The following IRGM variants were observed in gnomAD, a reference collection of about 807,000 sequenced individuals.
IRGM encodes the protein immunity-related GTPase family M protein.
For synonymous variants in IRGM, 98 were observed against 80.6 expected (o/e 1.22, Z -1.16); for missense variants, 288 against 219.9 (o/e 1.31, Z -1.96).
intron 3 of IRGM, chr5:150,896,632 A>T: frequency 6.2e-7 from 1 of 1,613,574 alleles, no homozygotes; most frequent in Non-Finnish European, 8.5e-7. Context: ...CTCTTATAAC[A>T]ACTCGGTAGG....
At chr5:150,901,535 CAAT>C (rs1478372151), downstream of IRGM, among the ~76,000 whole-genome samples, 1 of 151,958 alleles carries the variant, frequency 6.6e-6, no homozygotes, top group Non-Finnish European at 1.5e-5. Flanking sequence ...ACAAAAACAA[CAAT>C]GAAAAAATCT....
At chr5:150,865,174 A>G (rs570301661) in intron 1 of IRGM, among the ~76,000 whole-genome samples, 8 of 152,360 alleles carry the variant, frequency 5.3e-5, no homozygotes, top group African/African-American at 1.4e-4. Context: ...CATTATTGAC[A>G]TATATTAGAA....
At chr5:150,863,985 T>A (rs1487986767) in intron 1 of IRGM, among the ~76,000 whole-genome samples, 1 of 152,228 alleles carries the variant, frequency 6.6e-6, no homozygotes, top group East Asian at 1.9e-4. Context: ...ACCATTATCT[T>A]GAGCCATAGG....
intron 3 of IRGM, among the ~76,000 whole-genome samples, chr5:150,886,880 AT>A (rs987860178): frequency 1.3e-5 from 2 of 151,058 alleles, no homozygotes; most frequent in African/African-American, 4.9e-5. Flanking sequence ...CTTTTGAATG[AT>A]TTTTTTTGTG....
chr5:150,852,456 T>A (rs1221859512), downstream of IRGM, among the ~76,000 whole-genome samples: 1 of 152,182 alleles, frequency 6.6e-6, no homozygotes, highest in East Asian at 1.9e-4. Context: ...CTGGCTCACC[T>A]TATTCAAAAT....
intron 1 of IRGM, among the ~76,000 whole-genome samples, chr5:150,866,870 G>C (rs1187759547): frequency 6.6e-6 from 1 of 152,088 alleles, no homozygotes; most frequent in Admixed American, 6.5e-5. Flanking sequence ...TTTCATTTCT[G>C]ATGACAACAT....
intron 3 of IRGM, among the ~76,000 whole-genome samples, chr5:150,893,826 G>C (rs949764569): frequency 6.6e-6 from 1 of 151,956 alleles, no homozygotes; most frequent in Admixed American, 6.6e-5. Flanking sequence ...TTTTATTTCT[G>C]TTATTCAACA....
downstream of IRGM, among the ~76,000 whole-genome samples, chr5:150,902,303 T>G (rs1462504960): frequency 2.0e-5 from 3 of 152,162 alleles, no homozygotes; most frequent in Non-Finnish European, 4.4e-5. Flanking sequence ...ACCTTTGCCC[T>G]CCAAAGATTT....
chr5:150,866,706 T>A (rs1754213635), intron 1 of IRGM, among the ~76,000 whole-genome samples: 1 of 152,202 alleles, frequency 6.6e-6, no homozygotes, highest in Non-Finnish European at 1.5e-5. Context: ...AATAATTCCA[T>A]TGCTTTATAA....
At chr5:150,892,913 G>T (rs1360122716) in intron 3 of IRGM, among the ~76,000 whole-genome samples, 2 of 151,186 alleles carry the variant, frequency 1.3e-5, no homozygotes, top group East Asian at 3.9e-4. Context: ...TTCTTGTTTT[G>T]TTGTTCCTAT....
At position 150,863,649 on chromosome 5, in the gene IRGM, C is replaced by G. The variant is rs1754166785; in HGVS notation, c.159-14331C>G. Among the ~76,000 whole-genome samples, 3 of 152,102 alleles carry G rather than the reference C, an allele frequency of 2.0e-5. No individual in the cohort carries two copies. The South Asian group carries it at 6.2e-4, about 32-fold the overall frequency. ...TCAGTTTGGAATTTACAAAGACATT[C>G]TCATTCATATTTAATATTCCCAACA... On this transcript the variant is annotated intron_variant and NMD_transcript_variant, in intron 1 of 3. Coordinates refer to the IRGM transcript ENST00000520549.
At chr5:150,861,762 G>T (rs1754139647) in intron 1 of IRGM, among the ~76,000 whole-genome samples, 1 of 152,098 alleles carries the variant, frequency 6.6e-6, no homozygotes, top group African/African-American at 2.4e-5. Flanking sequence ...CTTTAAGGAG[G>T]GGGTGAGGAT....
chr5:150,861,548 T>G (rs1359583671), intron 1 of IRGM, among the ~76,000 whole-genome samples: 1 of 152,178 alleles, frequency 6.6e-6, no homozygotes, highest in East Asian at 1.9e-4. Context: ...CAGCTTTCAC[T>G]TTTTTTCTCT....
intron 2 of IRGM, chr5:150,878,197 A>T (rs1335606189): frequency 3.5e-5 from 13 of 371,658 alleles, no homozygotes; most frequent in African/African-American, 2.8e-4. Flanking sequence ...TGTTGTTGTT[A>T]ATGCTTCCTA....
At chr5:150,869,745 C>T (rs1489677461) in intron 1 of IRGM, among the ~76,000 whole-genome samples, 3 of 151,980 alleles carry the variant, frequency 2.0e-5, no homozygotes, top group Non-Finnish European at 2.9e-5. Context: ...ATTTTTTACT[C>T]AGCTCATGAG....
chr5:150,885,092 T>C (rs1023274741), intron 3 of IRGM, among the ~76,000 whole-genome samples: 1 of 152,194 alleles, frequency 6.6e-6, no homozygotes, highest in African/African-American at 2.4e-5. Context: ...AATTTTTGTA[T>C]ATGGTGTAAG....
At chr5:150,885,805 A>G (rs1754511996) in intron 3 of IRGM, among the ~76,000 whole-genome samples, 1 of 152,162 alleles carries the variant, frequency 6.6e-6, no homozygotes, top group South Asian at 2.1e-4. Flanking sequence ...TAGCTAAAGA[A>G]GCTTTTGAGC....
chr5:150,848,647 A>T lies in IRGM; in HGVS notation c.524A>T (p.Lys175Met), dbSNP rs1304567948. 1.3e-6 allele frequency: 2 copies of T among 1,541,926 alleles called. No homozygotes were observed. The highest frequency in any genetic ancestry group is 4.9e-5 in the East Asian group (2 of 40,816). ...GAAAATGTCCTGGAAAATCTCCAGA[A>T]GGAGCGGGTATGTGAATACTAATTC... is the stretch of plus-strand genomic sequence containing the variant. Reference protein sequence around the residue: ...IRENVLENLQKERVCEY With the variant: ...IRENVLENLQMERVCEY The change falls in exon 2 of 2, where the codon AAG (lysine) becomes ATG (methionine). Residue 175 changes from lysine (K) to methionine (M), a missense_variant. By Grantham distance (95) the Lys-to-Met change is moderately conservative (BLOSUM62 -1). Transcript: ENST00000522154.
chr5:150,849,013 G>A (rs1434275830), downstream of IRGM, among the ~76,000 whole-genome samples: 1 of 151,836 alleles, frequency 6.6e-6, no homozygotes, highest in Non-Finnish European at 1.5e-5. Context: ...CAGGGTGCAG[G>A]GAGACCACCA....
Sources: allele counts gnomAD v4.1 joint callset (sites outside exome capture counted in the v4.1 genomes callset), GRCh38; gene constraint gnomAD v4.1.1; transcripts MANE v1.5; gene names NCBI Gene and HGNC (gene_info 2026-07-23, HGNC 2026-07-21).